METTL15: variants seen among roughly 807,000 people sequenced by gnomAD.
The protein encoded by METTL15 is methyltransferase 15, mitochondrial 12S rRNA N4-cytidine, also known as 12S rRNA N(4)-cytidine methyltransferase METTL15.
A neutral mutation model predicts 38.3 loss-of-function variants in METTL15; 34 were observed. That is an observed-to-expected ratio of 0.89 (90% CI 0.68 to 1.18). The LOEUF is 1.18. METTL15 is among the 50% of genes most tolerant of loss of function. The probability of loss-of-function intolerance (pLI) is 0.00; values close to 1 mark genes in which losing one functional copy is unlikely to be tolerated. For missense variants in METTL15, 438 were observed against 498.4 expected (o/e 0.88, Z 1.15); for synonymous variants, 162 against 170.9 (o/e 0.95, Z 0.41).
intron 4 of METTL15, among the ~76,000 whole-genome samples, chr11:28,250,345 G>A (rs922605433): frequency 1.3e-5 from 2 of 152,014 alleles, no homozygotes; most frequent in African/African-American, 4.8e-5. Flanking sequence ...CACCAGCAGT[G>A]TATAAGCATT....
At chr11:28,237,190 A>G (rs1854031009) in intron 4 of METTL15, among the ~76,000 whole-genome samples, 1 of 152,158 alleles carries the variant, frequency 6.6e-6, no homozygotes, top group Non-Finnish European at 1.5e-5. Flanking sequence ...AATATCCTGC[A>G]GAGTGTTTTC....
At chr11:28,529,712 G>T (rs1402318380), downstream of METTL15, among the ~76,000 whole-genome samples, 1 of 151,834 alleles carries the variant, frequency 6.6e-6, no homozygotes, top group African/African-American at 2.4e-5. Flanking sequence ...TTAGTCCTGG[G>T]GGTTCTTTCA....
chr11:28,522,718 A>C (rs1330013305), intron 6 of METTL15, among the ~76,000 whole-genome samples: 1 of 152,212 alleles, frequency 6.6e-6, no homozygotes, highest in East Asian at 1.9e-4. Flanking sequence ...TGGAGACTAC[A>C]TGACCATCTC....
In METTL15 at chr11:28,245,522, A is replaced by G. The variant is rs763941394; in HGVS notation, c.407+34324A>G. On this transcript the variant is annotated intron_variant, in intron 4 of 6. Transcript: ENST00000407364. ...AAAAGTATCACATGAAAATCAACGT[A>G]GAACAGTAAATAAGATGATAGTATT... is the stretch of plus-strand genomic sequence containing the variant. Among the ~76,000 whole-genome samples the G allele has an allele frequency of 3.9e-5, 6 of 152,340 alleles. No homozygotes were observed. In the South Asian group the frequency reaches 8.3e-4, roughly 21 times the overall value.
chr11:28,235,807 C>A (rs1020556613), intron 4 of METTL15, among the ~76,000 whole-genome samples: 2 of 152,126 alleles, frequency 1.3e-5, no homozygotes, highest in African/African-American at 4.8e-5. Flanking sequence ...TTTCCTTCTC[C>A]TGCCTCATTG....
chr11:28,483,611 T>TA (rs1851415518), intron 6 of METTL15, among the ~76,000 whole-genome samples: 1 of 152,238 alleles, frequency 6.6e-6, no homozygotes, highest in Admixed American at 6.5e-5. Flanking sequence ...GTGGGCCATA[T>TA]AGCCTGTGTC....
At chr11:28,279,674 G>A (rs1855976781) in intron 4 of METTL15, among the ~76,000 whole-genome samples, 1 of 152,142 alleles carries the variant, frequency 6.6e-6, no homozygotes, top group Non-Finnish European at 1.5e-5. Flanking sequence ...GCCGAGGCAG[G>A]TGGATCACAA....
At chr11:28,511,810 G>C (rs1851676691) in intron 6 of METTL15, among the ~76,000 whole-genome samples, 1 of 152,224 alleles carries the variant, frequency 6.6e-6, no homozygotes, top group African/African-American at 2.4e-5. Flanking sequence ...CTTCCACAGT[G>C]TGGAAGGGGA....
intron 5 of METTL15, among the ~76,000 whole-genome samples, chr11:28,372,006 G>A (rs962486880): frequency 6.6e-6 from 1 of 151,730 alleles, no homozygotes; most frequent in African/African-American, 2.4e-5. Context: ...CTTTTCTAGT[G>A]AGAACTTACA....
At chr11:28,168,628 CACA>C (rs1850743249) in intron 3 of METTL15, among the ~76,000 whole-genome samples, 1 of 147,076 alleles carries the variant, frequency 6.8e-6, no homozygotes, top group Non-Finnish European at 1.5e-5. Context: ...CCCCCCATGC[CACA>C]ACAAGCCCTG....
intron 6 of METTL15, among the ~76,000 whole-genome samples, chr11:28,515,054 C>A (rs141351411): frequency 1.2e-4 from 18 of 152,162 alleles, no homozygotes; most frequent in African/African-American, 4.3e-4. Flanking sequence ...TTAAAACAGG[C>A]CTATGGAATA....
intron 6 of METTL15, among the ~76,000 whole-genome samples, chr11:28,512,172 T>C (rs1851680255): frequency 6.6e-6 from 1 of 151,926 alleles, no homozygotes; most frequent in African/African-American, 2.4e-5. Context: ...CCCACCAGAG[T>C]AGCTAGATAC....
intron 6 of METTL15, among the ~76,000 whole-genome samples, chr11:28,515,594 T>C (rs1388333947): frequency 6.6e-6 from 1 of 152,250 alleles, no homozygotes; most frequent in Non-Finnish European, 1.5e-5. Context: ...AAATACTTGT[T>C]TATGTATTGC....
chr11:28,361,683 A>G (rs2133368391), intron 4 of METTL15, among the ~76,000 whole-genome samples: 1 of 152,226 alleles, frequency 6.6e-6, no homozygotes, highest in South Asian at 2.1e-4. Flanking sequence ...TAAAAGCCCT[A>G]TAGTACTGCC....
chr11:28,225,984 G>T (rs1853461600), intron 4 of METTL15, among the ~76,000 whole-genome samples: 1 of 151,746 alleles, frequency 6.6e-6, no homozygotes, highest in Admixed American at 6.6e-5. Context: ...GGTTTTTATT[G>T]TCAATATTGT....
At chr11:28,269,026 A>AG (rs1855540580) in intron 4 of METTL15, among the ~76,000 whole-genome samples, 1 of 152,224 alleles carries the variant, frequency 6.6e-6, no homozygotes, top group Admixed American at 6.5e-5. Flanking sequence ...ATTGGATATA[A>AG]ATCATATTGT....
intron 6 of METTL15, among the ~76,000 whole-genome samples, chr11:28,428,828 C>T (rs747087530): frequency 5.9e-5 from 9 of 152,194 alleles, no homozygotes; most frequent in Non-Finnish European, 1.2e-4. Context: ...TCCCAGGACT[C>T]TGGTACTTCT....
At chr11:28,181,287 TG>T (rs1156420214) in intron 3 of METTL15, among the ~76,000 whole-genome samples, 3 of 149,010 alleles carry the variant, frequency 2.0e-5, no homozygotes, top group Admixed American at 6.8e-5. Flanking sequence ...TTTTAAGTTC[TG>T]GGGTATACAT....
In METTL15 at chr11:28,474,927, T is replaced by C. The variant is rs552226749; in HGVS notation, c.*424+50563T>C. Among the ~76,000 whole-genome samples, 4 of 152,290 alleles carry C rather than the reference T, an allele frequency of 2.6e-5. No individual in the cohort carries two copies. The East Asian group carries it at 7.7e-4, about 29-fold the overall frequency. On this transcript the variant is annotated intron_variant and NMD_transcript_variant, in intron 6 of 7. Coordinates refer to the METTL15 transcript ENST00000532947. ...GGATAAGTGCCCTATGTTTAACACA[T>C]GGAGGCCATAAAGACAACCTGACTT...
Sources: gnomAD v4.1 joint callset for allele counts (sites outside exome capture counted in the v4.1 genomes callset) on GRCh38, gnomAD v4.1.1 for gene constraint, MANE v1.5 for transcripts, NCBI Gene and HGNC (gene_info 2026-07-23, HGNC 2026-07-21) for gene names.